The following EDC4 variants were observed in gnomAD, a reference collection of about 807,000 sequenced individuals.
The protein encoded by EDC4 is enhancer of mRNA decapping 4.
Under a neutral mutation model 155.8 loss-of-function variants are expected in EDC4, and 64 were observed. That is an observed-to-expected ratio of 0.41 (90% CI 0.34 to 0.51). The LOEUF (loss-of-function observed/expected upper bound fraction) is 0.51, where lower values mean the gene tolerates loss of function less well. Among genes scored for constraint, EDC4 ranks in the 20% least tolerant of loss-of-function variants. The pLI is 0.19. For synonymous variants in EDC4, 684 were observed against 716.8 expected, an observed-to-expected ratio of 0.95 and a Z score of 0.73; for missense variants, 1,303 against 1,812.5, an observed-to-expected ratio of 0.72 and a Z score of 5.10.
At position 67,877,473 on chromosome 16, in the gene EDC4, T is replaced by C; in HGVS notation, c.642-36T>C. The C allele has an allele frequency of 6.2e-7, 1 of 1,612,444 alleles. No homozygotes were observed. On this transcript the variant is annotated intron_variant, in intron 5 of 28. Transcript: ENST00000358933. This position sits in a 1 kb window ranked among gnomAD's most constrained non-coding sequence, Gnocchi z 4.9. ...GGGCGGAGCTGGGGTGTCACGCCTCTTCATTCATCTATCTAGCCCTTAACA... is the reference window on the plus strand; with the variant it reads ...GGGCGGAGCTGGGGTGTCACGCCTCCTCATTCATCTATCTAGCCCTTAACA...
chr16:67,882,345 A>G lies in EDC4; in HGVS notation c.3276+18A>G. The stretch of plus-strand genomic sequence containing the variant: ...AGTCCAAGGTGCTATAGGGCCCAAG[A>G]TGTGGGTGGAGGTGGTGGTTCCTGG... On this transcript the variant is annotated intron_variant, in intron 24 of 28. Transcript: ENST00000358933. The surrounding 1 kb of genome is among the most constrained non-coding windows in gnomAD (Gnocchi z 7.2). 6.2e-7 allele frequency: 1 copy of G among 1,613,838 alleles called. No homozygotes were observed. The highest frequency in any genetic ancestry group is 8.5e-7 in the Non-Finnish European group (1 of 1,179,858).
chr16:67,878,072 G>A lies in EDC4; in HGVS notation c.895-94G>A. 5.8e-6 allele frequency: 9 copies of A among 1,564,106 alleles called. No individual in the cohort carries two copies. The highest frequency in any genetic ancestry group is 7.8e-6 in the Non-Finnish European group (9 of 1,153,262). On this transcript the variant is annotated intron_variant, in intron 7 of 28. Transcript: ENST00000358933. This position sits in a 1 kb window ranked among gnomAD's most constrained non-coding sequence, Gnocchi z 5.2. ...TTTAGTCAGTCACACAAGCATGCCA[G>A]TCCCACCGTGAGTCAGCCCAGCTCA...
Position 67,884,390 on chromosome 16 carries a change from A to G in EDC4, c.*242A>G. The G allele has an allele frequency of 1.8e-6, 1 of 552,324 alleles. No homozygotes were observed. Among genetic ancestry groups the G allele is most frequent in the Non-Finnish European group, 3.2e-6 (1 of 314,804 alleles). 34.2% of individuals were successfully genotyped at this position (552,324 alleles called of 1,614,324 possible). On this transcript the variant is annotated 3_prime_UTR_variant, in exon 29 of 29. Coordinates refer to ENST00000358933, the MANE Select transcript of EDC4 (RefSeq NM_014329.5). This position sits in a 1 kb window ranked among gnomAD's most constrained non-coding sequence, Gnocchi z 4.1. ...GCCATGCCTGGAGCATGACCCTGAG[A>G]TCGTGACACCACTTGAGTGGAATTT...
Position 67,880,393 on chromosome 16 carries a change from C to T in EDC4, c.2098-164C>T. ...CCTGGTGGGTGTCTCCTCAGCCTCC[C>T]TGTCCCCACCTCCTCTTCTTGGCTG... On this transcript the variant is annotated intron_variant, in intron 17 of 28. Transcript: ENST00000358933. This position sits in a 1 kb window ranked among gnomAD's most constrained non-coding sequence, Gnocchi z 5.2. 1 of 1,330,418 alleles carries T rather than the reference C, an allele frequency of 7.5e-7. No individual in the cohort carries two copies. The highest frequency in any genetic ancestry group is 1.4e-5 in the South Asian group (1 of 71,750). 82.4% of individuals were successfully genotyped at this position (1,330,418 alleles called of 1,614,324 possible).
rs755820697 is a variant in EDC4 at position 67,877,461 on chromosome 16, G to T, written c.642-48G>T. 2 of 1,611,606 alleles carry T rather than the reference G, an allele frequency of 1.2e-6. No individual in the cohort carries two copies. The highest frequency in any genetic ancestry group is 2.2e-5 in the East Asian group (1 of 44,844). On this transcript the variant is annotated intron_variant, in intron 5 of 28. Transcript: ENST00000358933. The surrounding 1 kb of genome is among the most constrained non-coding windows in gnomAD (Gnocchi z 4.9). The stretch of plus-strand genomic sequence containing the variant: ...CTGAAGAAGGGTGGGCGGAGCTGGG[G>T]TGTCACGCCTCTTCATTCATCTATC...
At position 67,883,806 on chromosome 16, in the gene EDC4, G is replaced by A. The variant is rs1203354229; in HGVS notation, c.4013+75G>A. 18 of 1,564,030 alleles carry A rather than the reference G, an allele frequency of 1.2e-5. No individual in the cohort carries two copies. The highest frequency in any genetic ancestry group is 4.1e-5 in the African/African-American group (3 of 73,928). ...TGGGAGGGAGCAGTTTGAAGCTGAC[G>A]CCCACTTCTGCCTGAATCCTCTCCC... is the stretch of plus-strand genomic sequence containing the variant. On this transcript the variant is annotated intron_variant, in intron 28 of 28. Transcript: ENST00000358933. The surrounding 1 kb of genome is among the most constrained non-coding windows in gnomAD (Gnocchi z 5.3).
Position 67,880,173 on chromosome 16 carries a change from T to A in EDC4, c.2054T>A (p.Leu685His), listed in dbSNP as rs1425745363. The A allele has an allele frequency of 4.3e-6, 7 of 1,611,872 alleles. No homozygotes were observed. The South Asian group carries it at 4.4e-5, about 10-fold the overall frequency. The change falls in exon 17 of 29, where the codon CTC becomes CAC. Residue 685 changes from leucine to histidine, a missense_variant. By Grantham distance (99) the Leu-to-His change is moderately conservative. This residue lies in a region of EDC4 where 391 missense variants were observed against 445.4 expected (regional missense o/e 0.88). Transcript: ENST00000358933. The surrounding 1 kb of genome is among the most constrained non-coding windows in gnomAD (Gnocchi z 5.2). ...CCGCGTGGCCTCCTGCCTGGCCTGC[T>A]CCCAGCCCCAGCTGACAAACTGACT... Reference protein sequence around the residue: ...ASPRGLLPGLLPAPADKLTPK... With the variant: ...ASPRGLLPGLHPAPADKLTPK...
At chr16:67,875,862 T>C in intron 1 of EDC4, 83 bp from the exon 2 acceptor site, 2 of 1,547,030 alleles carry the variant, frequency 1.3e-6, no homozygotes, top group East Asian at 2.3e-5. Context: ...GAGCACCTCA[T>C]AGTTCTTGAA....
rs2058053866 is a variant in EDC4 at position 67,879,128 on chromosome 16, C to G, written c.1459C>G (p.Leu487Val). The change falls in exon 12 of 29, where the codon CTG becomes GTG. Residue 487 changes from leucine to valine, a missense_variant. Physicochemically the swap from Leu to Val is conservative, Grantham distance 32. This residue lies in a region of EDC4 where 391 missense variants were observed against 445.4 expected (regional missense o/e 0.88). Transcript: ENST00000358933. This position sits in a 1 kb window ranked among gnomAD's most constrained non-coding sequence, Gnocchi z 6.0. ...GCCTGCCGAAGAGGAAAATGACAGC[C>G]TGGGTGCTGGTGAGCTGCCTCAGGG... is the stretch of plus-strand genomic sequence containing the variant. ...VLPAEEENDS[L>V]GADGTHGAGA... 4 of 1,613,750 alleles carry G rather than the reference C, an allele frequency of 2.5e-6. No individual in the cohort carries two copies. The highest frequency in any genetic ancestry group is 1.3e-5 in the African/African-American group (1 of 74,940).
At position 67,878,844 on chromosome 16, in the gene EDC4, G is replaced by T; in HGVS notation, c.1287+5G>T. 6.2e-7 allele frequency: 1 copy of T among 1,613,212 alleles called. No homozygotes were observed. On this transcript the variant is annotated splice_donor_5th_base_variant and intron_variant, in intron 11 of 28. Transcript: ENST00000358933. This position sits in a 1 kb window ranked among gnomAD's most constrained non-coding sequence, Gnocchi z 5.2. The stretch of plus-strand genomic sequence containing the variant: ...CTCAGCGATGTGCAACGGAAGGTAG[G>T]CTGCCATGGGGTACCCTGGGCAGAG...
chr16:67,879,860 C>A lies in EDC4; in HGVS notation c.1832C>A (p.Ser611Tyr). Residue 611 changes from serine (S) to tyrosine (Y), a missense_variant, in exon 16 of 29, where the codon TCT (serine) becomes TAT (tyrosine). Ser to Tyr is a moderately radical substitution (Grantham distance 144). Around this residue, in one of 5 missense-constraint regions of EDC4, gnomAD observed 391 missense variants for 445.4 expected, o/e 0.88. Coordinates refer to ENST00000358933, the MANE Select transcript of EDC4 (RefSeq NM_014329.5). The surrounding 1 kb of genome is among the most constrained non-coding windows in gnomAD (Gnocchi z 6.0). Reference sequence around the variant, plus strand: ...CCTGCATCTCCCCAGATCACTGCCTCTCCCAGCAGCAGCAGCAGCGGTAGC... The same window carrying A: ...CCTGCATCTCCCCAGATCACTGCCTATCCCAGCAGCAGCAGCAGCGGTAGC... ...PSASLQQITA[S>Y]PSSSSSGSSS... 1 of 1,613,634 alleles carries A rather than the reference C, an allele frequency of 6.2e-7. No individual in the cohort carries two copies. The highest frequency in any genetic ancestry group is 8.5e-7 in the Non-Finnish European group (1 of 1,179,872).
chr16:67,876,010 C>T lies in EDC4; in HGVS notation c.148C>T (p.Pro50Ser), dbSNP rs765072047. ...YNGDLNGLLV[P>S]DPLCSGDSTS... ...TGGGGACCTCAATGGACTTCTGGTC[C>T]CAGACCCGCTCTGCTCAGGTGATAG... is the stretch of plus-strand genomic sequence containing the variant. Residue 50 changes from proline to serine, a missense_variant, in exon 2 of 29, where the codon CCA becomes TCA. Pro to Ser is a moderately conservative substitution (Grantham distance 74). Transcript: ENST00000358933. This position sits in a 1 kb window ranked among gnomAD's most constrained non-coding sequence, Gnocchi z 5.8. The T allele has an allele frequency of 2.0e-5, 33 of 1,614,038 alleles. No individual in the cohort carries two copies. The African/African-American group carries it at 3.6e-4, about 18-fold the overall frequency.
In EDC4 at chr16:67,882,109, T is replaced by C; in HGVS notation, c.3160T>C (p.Cys1054Arg). 2 of 1,613,784 alleles carry C rather than the reference T, an allele frequency of 1.2e-6. No homozygotes were observed. Among genetic ancestry groups the C allele is most frequent in the Non-Finnish European group, 1.7e-6 (2 of 1,179,992 alleles). The change falls in exon 23 of 29, where the codon TGT (cysteine) becomes CGT (arginine). Residue 1054 changes from cysteine to arginine, a missense_variant and splice_region_variant. Physicochemically the swap from Cys to Arg is radical, Grantham distance 180 (BLOSUM62 -3). Transcript: ENST00000358933. This position sits in a 1 kb window ranked among gnomAD's most constrained non-coding sequence, Gnocchi z 7.2. The part of the protein sequence containing the change: ...RDEIKKTVPP[C>R]VSRSLEPMAG... ...TGAGATCAAGAAGACAGTCCCTCCA[T>C]GTGAGTTTTGCATGCAGACTCCCTT...
chr16:67,880,852 G>T lies in EDC4; in HGVS notation c.2393G>T (p.Gly798Val). Residue 798 changes from glycine (G) to valine (V), a missense_variant, in exon 18 of 29, where the codon GGC becomes GTC. Coordinates refer to ENST00000358933, the MANE Select transcript of EDC4 (RefSeq NM_014329.5). The surrounding 1 kb of genome is among the most constrained non-coding windows in gnomAD (Gnocchi z 5.2). ...GGCCCCCAGCTCGGGCTTGATGGAG[G>T]CCCTGGGGATGGAGATCGGCATAAT... ...ELGPQLGLDG[G>V]PGDGDRHNTP... 1 of 1,613,966 alleles carries T rather than the reference G, an allele frequency of 6.2e-7. No homozygotes were observed. The highest frequency in any genetic ancestry group is 8.5e-7 in the Non-Finnish European group (1 of 1,180,010).
rs1343324124 is a variant in EDC4 at position 67,877,251 on chromosome 16, C to T, written c.486C>T (p.Ile162=). ...ANNGSAMVRV[I]SVSTSERTLL... ...ATGGCTCTGCCATGGTGCGGGTGAT[C>T]AGCGTCAGCACTTCGGAGCGGACCT... Residue 162 remains isoleucine (I), a synonymous_variant, in exon 5 of 29, where the codon ATC becomes ATT. Coordinates refer to ENST00000358933, the MANE Select transcript of EDC4 (RefSeq NM_014329.5). The surrounding 1 kb of genome is among the most constrained non-coding windows in gnomAD (Gnocchi z 4.9). 2.5e-6 allele frequency: 4 copies of T among 1,614,068 alleles called. No homozygotes were observed. Among genetic ancestry groups the T allele is most frequent in the South Asian group, 1.1e-5 (1 of 91,080 alleles).
At position 67,876,484 on chromosome 16, in the gene EDC4, A is replaced by G. The variant is rs1351722363; in HGVS notation, c.240-4A>G. 1.9e-6 allele frequency: 3 copies of G among 1,613,694 alleles called. No individual in the cohort carries two copies. Among genetic ancestry groups the G allele is most frequent in the Admixed American group, 1.7e-5 (1 of 59,998 alleles). On this transcript the variant is annotated splice_region_variant and splice_polypyrimidine_tract_variant and intron_variant, in intron 2 of 28. Transcript: ENST00000358933. This position sits in a 1 kb window ranked among gnomAD's most constrained non-coding sequence, Gnocchi z 5.8. ...AGGCAAAGTTTTTGCACTCTTCCCCACAGCTGTCTCTCAGGAGATGATAGC... is the reference window on the plus strand; with the variant it reads ...AGGCAAAGTTTTTGCACTCTTCCCCGCAGCTGTCTCTCAGGAGATGATAGC...
In EDC4 at chr16:67,877,070, G is replaced by C. The variant is rs973002246; in HGVS notation, c.451+98G>C. On this transcript the variant is annotated intron_variant, in intron 4 of 28. Transcript: ENST00000358933. The surrounding 1 kb of genome is among the most constrained non-coding windows in gnomAD (Gnocchi z 4.9). ...CTCAGGCCTTAGGGGTACAATGGAAGGTTTGTCCATGCTGCCTCTTGGGGA... is the reference window on the plus strand; with the variant it reads ...CTCAGGCCTTAGGGGTACAATGGAACGTTTGTCCATGCTGCCTCTTGGGGA... 63 of 1,558,408 alleles carry C rather than the reference G, an allele frequency of 4.0e-5. No individual in the cohort carries two copies. In the Middle Eastern group the frequency reaches 8.6e-4, roughly 21 times the overall value.
In EDC4 at chr16:67,883,990, A is replaced by C; in HGVS notation, c.4048A>C (p.Ser1350Arg). The stretch of plus-strand genomic sequence containing the variant: ...AGAGGCCGTGATGCACCTGGACCAC[A>C]GTGACCCCATCACTCGGGACCACAT... The part of the protein sequence containing the change: ...LEEAVMHLDH[S>R]DPITRDHMGS... The change falls in exon 29 of 29, where the codon AGT (serine) becomes CGT (arginine). Residue 1350 changes from serine (S) to arginine (R), a missense_variant. Coordinates refer to ENST00000358933, the MANE Select transcript of EDC4 (RefSeq NM_014329.5). This position sits in a 1 kb window ranked among gnomAD's most constrained non-coding sequence, Gnocchi z 5.3. 1 of 1,612,868 alleles carries C rather than the reference A, an allele frequency of 6.2e-7. No individual in the cohort carries two copies. The highest frequency in any genetic ancestry group is 8.5e-7 in the Non-Finnish European group (1 of 1,179,196).
At position 67,882,273 on chromosome 16, in the gene EDC4, C is replaced by T. The variant is rs1403846653; in HGVS notation, c.3222C>T (p.Leu1074=). ...TGAGCAACTCAGTGGCTACCAAGCT[C>T]ACAGCTGTGGAGGGCAGCATGAAAG... ...GQLSNSVATK[L]TAVEGSMKEN... is the part of the protein sequence containing the mutation. Residue 1074 remains leucine, a synonymous_variant, in exon 24 of 29, where the codon CTC becomes CTT. Transcript: ENST00000358933. The surrounding 1 kb of genome is among the most constrained non-coding windows in gnomAD (Gnocchi z 7.2). 9 of 1,613,242 alleles carry T rather than the reference C, an allele frequency of 5.6e-6. No individual in the cohort carries two copies. The highest frequency in any genetic ancestry group is 7.6e-6 in the Non-Finnish European group (9 of 1,179,638).
Sources: allele counts gnomAD v4.1 joint callset, GRCh38; gene constraint gnomAD v4.1.1; regional missense constraint gnomAD v4.1.1; non-coding constraint Gnocchi (gnomAD v3.1); transcripts MANE v1.5; gene names NCBI Gene and HGNC (gene_info 2026-07-23, HGNC 2026-07-21).